Variants in PPFIA2 observed in about 807,000 individuals in gnomAD.
PPFIA2 encodes the protein liprin-alpha-2.
A neutral mutation model predicts 175.5 loss-of-function variants in PPFIA2; 46 were observed. That is an observed-to-expected ratio of 0.26 (90% confidence interval 0.21 to 0.34). PPFIA2 has a LOEUF of 0.34. PPFIA2 is among the 10% of genes least tolerant of loss of function. The probability of loss-of-function intolerance (pLI) is 1.00; values close to 1 mark genes in which losing one functional copy is unlikely to be tolerated. For synonymous variants in PPFIA2, 568 were observed against 511.4 expected (o/e 1.11, Z -1.49); for missense variants, 1,179 against 1,506.1 (o/e 0.78, Z 3.60).
intron 7 of PPFIA2, among the ~76,000 whole-genome samples, chr12:81,420,570 C>G (rs1432975829): frequency 1.3e-5 from 2 of 151,458 alleles, no homozygotes; most frequent in East Asian, 3.9e-4. Flanking sequence ...CTTGATCAAA[C>G]AGAAGAAAGA....
intron 4 of PPFIA2, among the ~76,000 whole-genome samples, chr12:81,587,402 A>C (rs2075443817): frequency 6.6e-6 from 1 of 151,932 alleles, no homozygotes; most frequent in Admixed American, 6.6e-5. Flanking sequence ...CATGATTATA[A>C]GTTTCCTGAG....
intron 4 of PPFIA2, among the ~76,000 whole-genome samples, chr12:81,486,283 A>G (rs1047508604): frequency 6.6e-6 from 1 of 151,878 alleles, no homozygotes; most frequent in Non-Finnish European, 1.5e-5. Context: ...TTACTGTCTT[A>G]TGTGGCAGAA....
At chr12:81,618,689 C>T (rs1247572185) in intron 4 of PPFIA2, among the ~76,000 whole-genome samples, 2 of 150,914 alleles carry the variant, frequency 1.3e-5, no homozygotes, top group Non-Finnish European at 2.9e-5. Flanking sequence ...CCACCACGCC[C>T]AGCTAATTTT....
At chr12:81,635,782 T>C (rs1030051342) in intron 4 of PPFIA2, among the ~76,000 whole-genome samples, 1 of 152,094 alleles carries the variant, frequency 6.6e-6, no homozygotes, top group Non-Finnish European at 1.5e-5. Context: ...GCCTTGGAAG[T>C]CTCCTAACAT....
intron 4 of PPFIA2, among the ~76,000 whole-genome samples, chr12:81,561,998 G>A (rs2070205793): frequency 6.6e-6 from 1 of 152,032 alleles, no homozygotes; most frequent in South Asian, 2.1e-4. Flanking sequence ...TTTATGTTTT[G>A]CTAATGTCAG....
At position 81,504,993 on chromosome 12, in the gene PPFIA2, AG is replaced by A. The variant is rs1289202034; in HGVS notation, c.304-47128del. On this transcript the variant is annotated intron_variant, in intron 4 of 32. Coordinates refer to ENST00000549396, the MANE Select transcript of PPFIA2 (RefSeq NM_003625.5). Reference sequence around the variant, plus strand: ...GGAACATCACACACCGGGCCCTGTCAGGGGGTGGGGTGCTAGGGGAGGGATA... The same window carrying A: ...GGAACATCACACACCGGGCCCTGTCAGGGGTGGGGTGCTAGGGGAGGGATA... Among the ~76,000 whole-genome samples the A allele has an allele frequency of 2.0e-5, 3 of 152,134 alleles. No individual in the cohort carries two copies. In the South Asian group the frequency reaches 6.2e-4, roughly 31 times the overall value.
intron 4 of PPFIA2, among the ~76,000 whole-genome samples, chr12:81,460,107 A>C (rs1357315582): frequency 6.6e-6 from 1 of 152,052 alleles, no homozygotes; most frequent in Non-Finnish European, 1.5e-5. Context: ...ATTACTACTG[A>C]TATGGTTTGG....
In PPFIA2 at chr12:81,744,367, T is replaced by C. The variant is rs1402674251; in HGVS notation, c.249+9606A>G. Among the ~76,000 whole-genome samples, 3 of 152,024 alleles carry C rather than the reference T, an allele frequency of 2.0e-5. No homozygotes were observed. In the East Asian group the frequency reaches 5.8e-4, roughly 29 times the overall value. ...ATTTCAAATTTCATTAATAATAATT[T>C]GTTTGCCTTACTAAAACTTAGAGGT... On this transcript the variant is annotated intron_variant, in intron 3 of 32. Transcript: ENST00000549396.
intron 28 of PPFIA2, among the ~76,000 whole-genome samples, chr12:81,268,385 G>A (rs1344235982): frequency 4.0e-5 from 6 of 151,686 alleles, no homozygotes; most frequent in Non-Finnish European, 8.8e-5. Context: ...TGATCCGCCC[G>A]CCTCGGCCTC....
At chr12:81,632,519 G>C (rs912278498) in intron 4 of PPFIA2, among the ~76,000 whole-genome samples, 24 of 152,062 alleles carry the variant, frequency 1.6e-4, no homozygotes, top group Middle Eastern at 6.3e-3. Flanking sequence ...TTTGCAAAGA[G>C]ATCAAGTCCA....
intron 3 of PPFIA2, chr12:81,687,613 TAGAC>T (rs2074612794): frequency 6.6e-6 from 1 of 151,988 alleles, no homozygotes; most frequent in African/African-American, 2.4e-5. Context: ...CATGCAAAAA[TAGAC>T]AGCTTAGTGA....
chr12:81,263,462 A>G (rs1017464559), intron 30 of PPFIA2, 72 bp from the exon 31 acceptor site: 1 of 1,337,366 alleles, frequency 7.5e-7, no homozygotes, highest in African/African-American at 1.4e-5. Flanking sequence ...CTCTGTGCTT[A>G]GAAACATGTA....
At chr12:81,569,235 A>T (rs1488932827) in intron 4 of PPFIA2, among the ~76,000 whole-genome samples, 1 of 152,172 alleles carries the variant, frequency 6.6e-6, no homozygotes, top group Admixed American at 6.5e-5. Context: ...ACAAATAAAA[A>T]CATGATCAAT....
At chr12:81,295,857 G>T (rs943756889) in intron 23 of PPFIA2, among the ~76,000 whole-genome samples, 10 of 151,664 alleles carry the variant, frequency 6.6e-5, no homozygotes, top group Non-Finnish European at 1.2e-4. Context: ...GAGCATGATG[G>T]CGAGTGCCTA....
intron 7 of PPFIA2, among the ~76,000 whole-genome samples, chr12:81,408,734 A>G (rs2043369762): frequency 6.6e-6 from 1 of 152,228 alleles, no homozygotes. Flanking sequence ...CAAAAATGAC[A>G]TAATTTTCAA....
At chr12:81,356,402 C>T (rs1434435736) in intron 16 of PPFIA2, among the ~76,000 whole-genome samples, 1 of 152,090 alleles carries the variant, frequency 6.6e-6, no homozygotes, top group East Asian at 1.9e-4. Flanking sequence ...GTGGTTCACG[C>T]TTATAATCCC....
chr12:81,267,737 T>TGG (rs1565809721), intron 29 of PPFIA2, among the ~76,000 whole-genome samples, 175 bp downstream of exon 29: 1 of 151,246 alleles, frequency 6.6e-6, no homozygotes, highest in Non-Finnish European at 1.5e-5. Flanking sequence ...GATTTTTTTT[T>TGG]TTTTTTTTTT....
At chr12:81,681,857 T>C (rs1467516162) in intron 3 of PPFIA2, among the ~76,000 whole-genome samples, 1 of 152,006 alleles carries the variant, frequency 6.6e-6, no homozygotes, top group Admixed American at 6.6e-5. Flanking sequence ...ACAGTAAGAA[T>C]GAACAAATAA....
rs547780831 is a variant in PPFIA2 at position 81,722,789 on chromosome 12, ACTC to A, written c.249+31181_249+31183del. On this transcript the variant is annotated intron_variant, in intron 3 of 32. Coordinates refer to ENST00000549396, the MANE Select transcript of PPFIA2 (RefSeq NM_003625.5). ...CCTCATTTCAACTCTCCTAAGGACAACTCCTCTTCTGAAAAAAAACAAAACAAA... is the reference window on the plus strand; with the variant it reads ...CCTCATTTCAACTCTCCTAAGGACAACTCTTCTGAAAAAAAACAAAACAAA... Among the ~76,000 whole-genome samples the A allele has an allele frequency of 3.3e-5, 5 of 150,992 alleles. No homozygotes were observed. In the East Asian group the frequency reaches 9.8e-4, roughly 30 times the overall value.
Sources: gnomAD v4.1 joint callset for allele counts (sites outside exome capture counted in the v4.1 genomes callset) on GRCh38, gnomAD v4.1.1 for gene constraint, MANE v1.5 for transcripts, NCBI Gene and HGNC (gene_info 2026-07-23, HGNC 2026-07-21) for gene names.